Variants in CFH observed in about 807,000 individuals in gnomAD.
CFH encodes the protein H factor 1 (complement).
Under a neutral mutation model 147.3 loss-of-function variants are expected in CFH, and 53 were observed. The ratio of observed to expected loss-of-function variants is 0.36; its 90% confidence interval spans 0.29 to 0.45. The LOEUF is 0.45. CFH is among the 20% of genes least tolerant of loss of function. CFH has a pLI of 1.00. For missense variants in CFH, 1,380 were observed against 1,498.0 expected (o/e 0.92, Z 1.30); for synonymous variants, 536 against 489.4 (o/e 1.10, Z -1.26).
intron 15 of CFH, among the ~76,000 whole-genome samples, chr1:196,729,139 CT>C (rs1355597443): frequency 4.0e-4 from 61 of 152,098 alleles, no homozygotes; most frequent in African/African-American, 1.4e-3. Flanking sequence ...CCTTGCCTCA[CT>C]AACTTCAATA....
chr1:196,669,260 G>A (rs1462698207), intron 1 of CFH, among the ~76,000 whole-genome samples: 1 of 152,164 alleles, frequency 6.6e-6, no homozygotes, highest in Admixed American at 6.5e-5. Context: ...GCAGCCTGAT[G>A]ATGCAATAGA....
At chr1:196,683,555 G>A (rs912772481) in intron 6 of CFH, among the ~76,000 whole-genome samples, 2 of 151,792 alleles carry the variant, frequency 1.3e-5, no homozygotes, top group Non-Finnish European at 1.5e-5. Flanking sequence ...AGGGTTGAGT[G>A]AAGGGACTGA....
Position 196,726,945 on chromosome 1 carries a change from G to T in CFH, c.2236+5G>T. ...CCCAACTTCCCCAGTGTGTGGGTGA[G>T]AATACCCTTCTTAAATCAACATTTA... On this transcript the variant is annotated splice_donor_5th_base_variant and intron_variant, in intron 14 of 21. Coordinates refer to ENST00000367429, the MANE Select transcript of CFH (RefSeq NM_000186.4). 1.2e-6 allele frequency: 2 copies of T among 1,608,326 alleles called. No individual in the cohort carries two copies. Among genetic ancestry groups the T allele is most frequent in the South Asian group, 1.1e-5 (1 of 90,972 alleles).
At chr1:196,738,961 T>C (rs1652697575) in intron 17 of CFH, among the ~76,000 whole-genome samples, 1 of 152,216 alleles carries the variant, frequency 6.6e-6, no homozygotes, top group East Asian at 1.9e-4. Context: ...AGTTGTAGGT[T>C]CCCAAACCTC....
At chr1:196,722,864 C>T (rs896973643) in intron 11 of CFH, among the ~76,000 whole-genome samples, 1 of 152,040 alleles carries the variant, frequency 6.6e-6, no homozygotes, top group African/African-American at 2.4e-5. Context: ...TTGATGTAAT[C>T]TGTAATTAAA....
intron 17 of CFH, among the ~76,000 whole-genome samples, chr1:196,740,412 G>A (rs1652771085): frequency 6.6e-6 from 1 of 152,078 alleles, no homozygotes; most frequent in South Asian, 2.1e-4. Flanking sequence ...GCTATTTTTA[G>A]TTTCAAGTCC....
rs962717119 is a variant in CFH, at chr1:196,729,363, C to T, written c.2413+841C>T. Among the ~76,000 whole-genome samples the T allele has an allele frequency of 3.9e-5, 6 of 152,066 alleles. No individual in the cohort carries two copies. The South Asian group carries it at 1.0e-3, about 26-fold the overall frequency. ...TTTATTAAAATGATCGTATAGTTAT[C>T]GTCCTTTCTGTTAATGGGATGCATC... On this transcript the variant is annotated intron_variant, in intron 15 of 21. Coordinates refer to ENST00000367429, the MANE Select transcript of CFH (RefSeq NM_000186.4).
At chr1:196,735,336 T>C (rs899769627) in intron 15 of CFH, among the ~76,000 whole-genome samples, 5 of 152,172 alleles carry the variant, frequency 3.3e-5, no homozygotes, top group African/African-American at 9.6e-5. Flanking sequence ...CTCAGTTTTT[T>C]AATTGCTCAG....
At position 196,690,107 on chromosome 1, in the gene CFH, C is replaced by T. The variant is rs1061170; in HGVS notation, c.1204C>T (p.His402Tyr). Residue 402 changes from histidine to tyrosine, a missense_variant, in exon 9 of 22, where the codon CAT becomes TAT. His to Tyr is a moderately conservative substitution (Grantham distance 83, BLOSUM62 2). Transcript: ENST00000367429. ...TTTGGAAAATGGATATAATCAAAATCATGGAAGAAAGTTTGTACAGGGTAA... is the reference window on the plus strand; with the variant it reads ...TTTGGAAAATGGATATAATCAAAATTATGGAAGAAAGTTTGTACAGGGTAA... ...PYLENGYNQN[H>Y]GRKFVQGKSI... 0.64 allele frequency: 1,025,522 copies of T among 1,610,204 alleles called. 330,962 individuals carry two copies. The highest frequency in any genetic ancestry group is 0.94 in the East Asian group (42,102 of 44,740).
chr1:196,680,827 T>A (rs541750043), intron 6 of CFH, among the ~76,000 whole-genome samples: 179 of 152,026 alleles, frequency 1.2e-3, no homozygotes, highest in African/African-American at 4.1e-3. Context: ...TGGGTTAATT[T>A]TATACACTAA....
At chr1:196,678,435 A>T (rs577277246) in intron 5 of CFH, 46 of 152,046 alleles carry the variant, frequency 3.0e-4, no homozygotes, top group African/African-American at 1.1e-3. Flanking sequence ...AGTTTCTGGC[A>T]TATTTATATT....
chr1:196,666,480 T>G (rs1667089905), intron 1 of CFH, among the ~76,000 whole-genome samples: 1 of 152,054 alleles, frequency 6.6e-6, no homozygotes, highest in South Asian at 2.1e-4. Flanking sequence ...TTTCTTTAAC[T>G]CATGAGTTAT....
chr1:196,687,547 T>A (rs906054630), intron 7 of CFH, among the ~76,000 whole-genome samples: 1 of 152,100 alleles, frequency 6.6e-6, no homozygotes, highest in Non-Finnish European at 1.5e-5. Flanking sequence ...ATACTCATAC[T>A]TGCTTTGAAA....
chr1:196,735,427 G>A (rs1362530915), intron 15 of CFH, among the ~76,000 whole-genome samples: 2 of 151,948 alleles, frequency 1.3e-5, no homozygotes, highest in African/African-American at 2.4e-5. Context: ...GCTATACTGG[G>A]TCACAATGTT....
chr1:196,732,106 A>G (rs932901276), intron 15 of CFH, among the ~76,000 whole-genome samples: 1 of 152,000 alleles, frequency 6.6e-6, no homozygotes, highest in Non-Finnish European at 1.5e-5. Context: ...TGTTTTTAAC[A>G]TGGTGATAAT....
Position 196,737,532 on chromosome 1 carries a change from G to C in CFH, c.2654G>C (p.Arg885Thr). The change falls in exon 17 of 22, where the codon AGG becomes ACG. Residue 885 changes from arginine to threonine, a missense_variant. Transcript: ENST00000367429. ...GAACACGGAACCATTAATTCATCCA[G>C]GTCTTCACAAGAAAGTTATGCACAT... Reference protein sequence around the residue: ...QIEHGTINSSRSSQESYAHGT... With the variant: ...QIEHGTINSSTSSQESYAHGT... The C allele has an allele frequency of 6.2e-7, 1 of 1,613,258 alleles. No homozygotes were observed. Among genetic ancestry groups the C allele is most frequent in the Non-Finnish European group, 8.5e-7 (1 of 1,179,536 alleles).
chr1:196,745,933 C>G lies in CFH; in HGVS notation c.3427C>G (p.Gln1143Glu), dbSNP rs15809. The G allele has an allele frequency of 5.3e-3, 8,603 of 1,614,016 alleles. 388 individuals are homozygous for G. The African/African-American group carries it at 0.1, about 19-fold the overall frequency. Reference sequence around the variant, plus strand: ...TGAGTACCAATGCCAGAACTTGTATCAACTTGAGGGTAACAAGCGAATAAC... The same window carrying G: ...TGAGTACCAATGCCAGAACTTGTATGAACTTGAGGGTAACAAGCGAATAAC... ...SVEYQCQNLY[Q>E]LEGNKRITCR... Residue 1143 changes from glutamine to glutamate, a missense_variant, in exon 21 of 22, where the codon CAA becomes GAA. By Grantham distance (29) the Gln-to-Glu change is conservative (BLOSUM62 2). Coordinates refer to ENST00000367429, the MANE Select transcript of CFH (RefSeq NM_000186.4).
At position 196,689,586 on chromosome 1, in the gene CFH, T is replaced by C. The variant is rs747771689; in HGVS notation, c.1131T>C (p.Asp377=). 6.2e-7 allele frequency: 1 copy of C among 1,613,526 alleles called. No individual in the cohort carries two copies. Among genetic ancestry groups the C allele is most frequent in the Admixed American group, 1.7e-5 (1 of 59,950 alleles). ...SYWDHIHCTQ[D]GWSPAVPCLR... is the part of the protein sequence containing the mutation. The stretch of plus-strand genomic sequence containing the variant: ...GGGATCACATTCATTGCACACAAGA[T>C]GGATGGTCGCCAGCAGTACCATGCC... Residue 377 remains aspartate (D), a synonymous_variant, in exon 8 of 22, where the codon GAT becomes GAC. Coordinates refer to ENST00000367429, the MANE Select transcript of CFH (RefSeq NM_000186.4).
chr1:196,746,964 C>T (rs569248673), intron 21 of CFH, 147 bp from the exon 22 acceptor site: 193 of 1,381,856 alleles, frequency 1.4e-4, no homozygotes, highest in Non-Finnish European at 1.9e-4. Flanking sequence ...TTATTCAAAT[C>T]AATATGATGT....
Sources: allele counts gnomAD v4.1 joint callset (sites outside exome capture counted in the v4.1 genomes callset), GRCh38; gene constraint gnomAD v4.1.1; transcripts MANE v1.5; gene names NCBI Gene and HGNC (gene_info 2026-07-23, HGNC 2026-07-21).